The following SPAG16 variants were observed in gnomAD, a reference collection of about 807,000 sequenced individuals.
The protein encoded by SPAG16 is sperm associated antigen 16.
A neutral mutation model predicts 80.4 loss-of-function variants in SPAG16; 86 were observed. The observed-to-expected ratio is 1.07, with a 90% CI of 0.90 to 1.28. The LOEUF (loss-of-function observed/expected upper bound fraction) is 1.28. Ranked by LOEUF, SPAG16 falls within the 50% of genes most tolerant of loss-of-function variation. The pLI is 0.00. For missense variants in SPAG16, 870 were observed against 765.3 expected, an observed-to-expected ratio of 1.14 and a Z score of -1.61; for synonymous variants, 294 against 265.9, an observed-to-expected ratio of 1.11 and a Z score of -1.03.
intron 12 of SPAG16, among the ~76,000 whole-genome samples, chr2:213,955,716 A>G (rs1438893414): frequency 2.0e-5 from 3 of 152,062 alleles, no homozygotes; most frequent in Admixed American, 1.3e-4. Flanking sequence ...ATGATTAATT[A>G]TGGTAGGTTT....
intron 15 of SPAG16, among the ~76,000 whole-genome samples, chr2:214,304,186 A>G (rs1391022863): frequency 1.3e-5 from 2 of 152,216 alleles, no homozygotes; most frequent in East Asian, 1.9e-4. Context: ...AAAGGACATA[A>G]TCTTGTTCTT....
At chr2:214,285,067 G>A (rs1435622071) in intron 15 of SPAG16, among the ~76,000 whole-genome samples, 2 of 151,864 alleles carry the variant, frequency 1.3e-5, no homozygotes, top group African/African-American at 4.8e-5. Context: ...TTCCATAATG[G>A]CTGTACCAAT....
intron 14 of SPAG16, among the ~76,000 whole-genome samples, chr2:214,127,650 T>C (rs1037209161): frequency 5.3e-5 from 8 of 151,888 alleles, no homozygotes; most frequent in African/African-American, 1.9e-4. Flanking sequence ...TTTAGGAGGA[T>C]TACAAATTAG....
chr2:214,112,886 C>T (rs1162891259), intron 14 of SPAG16, among the ~76,000 whole-genome samples: 2 of 152,018 alleles, frequency 1.3e-5, no homozygotes, highest in African/African-American at 2.4e-5. Flanking sequence ...GGTTATTTTG[C>T]CCATTAATTG....
At chr2:214,071,087 A>G (rs1222221022) in intron 13 of SPAG16, among the ~76,000 whole-genome samples, 1 of 152,160 alleles carries the variant, frequency 6.6e-6, no homozygotes, top group Non-Finnish European at 1.5e-5. Context: ...GTCTATCCAC[A>G]CAAAGAATAT....
At chr2:213,976,061 T>G (rs1396774844) in intron 12 of SPAG16, among the ~76,000 whole-genome samples, 1 of 149,082 alleles carries the variant, frequency 6.7e-6, no homozygotes, top group East Asian at 2.0e-4. Flanking sequence ...CTTCTCATGA[T>G]ATGGCATCTG....
chr2:213,383,592 G>A (rs982202816), intron 9 of SPAG16, among the ~76,000 whole-genome samples: 2 of 152,138 alleles, frequency 1.3e-5, no homozygotes, highest in Admixed American at 6.5e-5. Context: ...GCAGCAGTGG[G>A]TTCCTATTAC....
At chr2:213,683,610 T>C (rs1458167544) in intron 10 of SPAG16, among the ~76,000 whole-genome samples, 1 of 152,208 alleles carries the variant, frequency 6.6e-6, no homozygotes, top group Non-Finnish European at 1.5e-5. Flanking sequence ...AATTATGTTC[T>C]ATGTATTTAC....
intron 15 of SPAG16, among the ~76,000 whole-genome samples, chr2:214,196,051 G>A (rs189545222): frequency 6.6e-5 from 10 of 151,818 alleles, no homozygotes; most frequent in South Asian, 2.1e-4. Flanking sequence ...AACCAGAATC[G>A]CCCATATTTA....
intron 12 of SPAG16, among the ~76,000 whole-genome samples, chr2:214,009,769 G>A (rs2047197618): frequency 1.3e-5 from 2 of 152,124 alleles, no homozygotes. Context: ...AGATTTTGTA[G>A]GAGACAACAA....
chr2:213,991,617 C>T (rs115185611), intron 12 of SPAG16, among the ~76,000 whole-genome samples: 295 of 152,276 alleles, frequency 1.9e-3, no homozygotes, highest in African/African-American at 6.7e-3. Flanking sequence ...TGTCCTGATG[C>T]TCTGACTGCT....
intron 10 of SPAG16, among the ~76,000 whole-genome samples, chr2:213,806,668 A>C (rs1300746015): frequency 6.6e-6 from 1 of 152,142 alleles, no homozygotes; most frequent in African/African-American, 2.4e-5. Context: ...TATTGGGGTA[A>C]ATTTAAAAGC....
intron 10 of SPAG16, among the ~76,000 whole-genome samples, chr2:213,773,892 CTT>C (rs1318069486): frequency 4.6e-5 from 7 of 152,274 alleles, no homozygotes; most frequent in Middle Eastern, 6.8e-3. Flanking sequence ...AAGATAGACT[CTT>C]GTCTATCTGG....
intron 10 of SPAG16, among the ~76,000 whole-genome samples, chr2:213,721,079 T>A (rs899971533): frequency 1.3e-5 from 2 of 151,752 alleles, no homozygotes; most frequent in Admixed American, 1.3e-4. Flanking sequence ...ACATTTTCTA[T>A]CATTATTATA....
intron 10 of SPAG16, among the ~76,000 whole-genome samples, chr2:213,732,610 CATGGTAGTTTA>C (rs1258621976): frequency 1.3e-5 from 2 of 152,090 alleles, no homozygotes; most frequent in Non-Finnish European, 2.9e-5. Context: ...TGAAAAATGT[CATGGTAGTTTA>C]ATGGGGATAG....
At chr2:213,361,031 G>T (rs2065950091) in intron 7 of SPAG16, among the ~76,000 whole-genome samples, 1 of 151,820 alleles carries the variant, frequency 6.6e-6, no homozygotes, top group African/African-American at 2.4e-5. Flanking sequence ...AAGAAGGATT[G>T]TATAATAATT....
intron 13 of SPAG16, among the ~76,000 whole-genome samples, chr2:214,107,803 C>A (rs1389783499): frequency 1.3e-5 from 2 of 152,034 alleles, no homozygotes; most frequent in Non-Finnish European, 2.9e-5. Flanking sequence ...AAGAGAGACC[C>A]CACTGCCTAC....
intron 9 of SPAG16, among the ~76,000 whole-genome samples, chr2:213,391,310 GA>G (rs1430241640): frequency 4.6e-5 from 7 of 152,096 alleles, no homozygotes; most frequent in South Asian, 2.1e-4. Flanking sequence ...TTTGTTAAGG[GA>G]AAAAAATATT....
intron 14 of SPAG16, among the ~76,000 whole-genome samples, chr2:214,134,007 AAG>A (rs2054918604): frequency 6.6e-6 from 1 of 152,198 alleles, no homozygotes. Context: ...CCTGGAATTT[AAG>A]AGAGAGTTGT....
Sources: allele counts gnomAD v4.1 joint callset (sites outside exome capture counted in the v4.1 genomes callset), GRCh38; gene constraint gnomAD v4.1.1; transcripts MANE v1.5; gene names NCBI Gene and HGNC (gene_info 2026-07-23, HGNC 2026-07-21).